GPHN: variants seen among roughly 807,000 people sequenced by gnomAD.
GPHN encodes gephyrin.
Under a neutral mutation model 95.5 loss-of-function variants are expected in GPHN, and 17 were observed. The observed-to-expected ratio is 0.18, with a 90% CI of 0.12 to 0.27. GPHN has a LOEUF of 0.27. Among genes scored for constraint, GPHN ranks in the 10% least tolerant of loss-of-function variants. The pLI is 1.00. For synonymous variants in GPHN, 320 were observed against 322.5 expected (o/e 0.99, Z 0.08); for missense variants, 660 against 978.1 (o/e 0.67, Z 4.34).
At chr14:66,926,907 A>C (rs1458013382) in intron 8 of GPHN, among the ~76,000 whole-genome samples, 1 of 152,154 alleles carries the variant, frequency 6.6e-6, no homozygotes, top group Admixed American at 6.5e-5. Flanking sequence ...GTGTGTGTCC[A>C]CTTCAATTTC....
intron 2 of GPHN, among the ~76,000 whole-genome samples, chr14:66,762,674 A>C (rs925194011): frequency 3.9e-5 from 6 of 152,136 alleles, no homozygotes; most frequent in African/African-American, 9.7e-5. Flanking sequence ...ATAGTGCTGA[A>C]ACAGTATATG....
At chr14:67,326,633 TC>T in the GPHN span, among the ~76,000 whole-genome samples, 1 of 152,222 alleles carries the variant, frequency 6.6e-6, no homozygotes, top group South Asian at 2.1e-4. Context: ...TTAATACCCC[TC>T]CATTCTTTCT....
chr14:67,249,034 C>G, the GPHN span, among the ~76,000 whole-genome samples: 1 of 151,864 alleles, frequency 6.6e-6, no homozygotes, highest in East Asian at 1.9e-4. Flanking sequence ...ATGATCTCAG[C>G]TCACTGCAAC....
intron 10 of GPHN, among the ~76,000 whole-genome samples, chr14:67,027,604 C>T (rs1055075388): frequency 2.0e-5 from 3 of 152,238 alleles, no homozygotes; most frequent in Admixed American, 1.3e-4. Flanking sequence ...GCTAAGATTA[C>T]AGGCATGAGC....
At chr14:67,232,658 T>C in the GPHN span, among the ~76,000 whole-genome samples, 1 of 152,222 alleles carries the variant, frequency 6.6e-6, no homozygotes, top group Non-Finnish European at 1.5e-5. Context: ...CCCTTTGAAA[T>C]CGCTCCATTT....
chr14:67,387,513 T>C, the GPHN span: 7 of 1,559,316 alleles, frequency 4.5e-6, no homozygotes, highest in Admixed American at 8.0e-5. Flanking sequence ...TCTGCTTTCA[T>C]CTTGAACCAG....
At chr14:67,172,696 C>A (rs1244562642) in intron 21 of GPHN, among the ~76,000 whole-genome samples, 1 of 152,150 alleles carries the variant, frequency 6.6e-6, no homozygotes, top group Non-Finnish European at 1.5e-5. Context: ...CCCCTAGTGT[C>A]TGAGCAGCTG....
chr14:67,656,091 C>T, the GPHN span, among the ~76,000 whole-genome samples: 4 of 151,910 alleles, frequency 2.6e-5, no homozygotes, highest in African/African-American at 4.8e-5. Context: ...ACTAAAAATA[C>T]AAACATTAGC....
At chr14:67,072,697 C>T (rs1192543089) in intron 11 of GPHN, among the ~76,000 whole-genome samples, 1 of 151,560 alleles carries the variant, frequency 6.6e-6, no homozygotes, top group Non-Finnish European at 1.5e-5. Flanking sequence ...CTCAATTTTC[C>T]AAAAATGGAA....
the GPHN span, chr14:67,575,434 G>T: frequency 2.5e-6 from 4 of 1,609,818 alleles, no homozygotes; most frequent in African/African-American, 5.3e-5. Context: ...CGCTCTTGTT[G>T]GGAAAATCTT....
At chr14:67,628,981 T>G in the GPHN span, among the ~76,000 whole-genome samples, 1 of 152,222 alleles carries the variant, frequency 6.6e-6, no homozygotes, top group African/African-American at 2.4e-5. Flanking sequence ...AAGTGTCCAT[T>G]GATGGATGAA....
At chr14:66,684,817 T>C (rs1431433342) in intron 2 of GPHN, among the ~76,000 whole-genome samples, 2 of 152,104 alleles carry the variant, frequency 1.3e-5, no homozygotes, top group Non-Finnish European at 2.9e-5. Context: ...TTGTTACATA[T>C]GTGTACATGT....
At chr14:66,934,323 T>C (rs1762793832) in intron 8 of GPHN, among the ~76,000 whole-genome samples, 1 of 152,222 alleles carries the variant, frequency 6.6e-6, no homozygotes, top group Admixed American at 6.5e-5. Context: ...ATCAGCTTGC[T>C]ATTTCAGGAG....
the GPHN span, chr14:67,225,058 C>A: frequency 1.4e-6 from 2 of 1,412,904 alleles, no homozygotes; most frequent in Non-Finnish European, 1.9e-6. Context: ...TTTTCTTTCT[C>A]ACTTCCTCTC....
the GPHN span, among the ~76,000 whole-genome samples, chr14:67,429,230 AT>A: frequency 0.017 from 2,221 of 134,570 alleles, 25 homozygotes; most frequent in African/African-American, 0.049. Flanking sequence ...CAAGTGGACA[AT>A]TTTTTTTTTT....
the GPHN span, chr14:67,343,496 C>A: frequency 8.8e-7 from 1 of 1,134,966 alleles, no homozygotes. Context: ...ATTCCCTGAT[C>A]ACTTGACTCC....
the GPHN span, among the ~76,000 whole-genome samples, chr14:67,478,524 G>T: frequency 2.6e-5 from 4 of 151,632 alleles, no homozygotes; most frequent in African/African-American, 9.7e-5. Context: ...TAGAAAAAAC[G>T]CAACCTTTCT....
At chr14:67,674,715 C>G in the GPHN span, 1 of 434,822 alleles carries the variant, frequency 2.3e-6, no homozygotes. Context: ...GACGAGAAGT[C>G]GGGAGACTGC....
chr14:66,913,238 T>C (rs778092320), intron 5 of GPHN, among the ~76,000 whole-genome samples: 1 of 152,224 alleles, frequency 6.6e-6, no homozygotes, highest in Non-Finnish European at 1.5e-5. Flanking sequence ...GGATGCTTGC[T>C]GGTGAGAGAC....
Sources: allele counts gnomAD v4.1 joint callset (sites outside exome capture counted in the v4.1 genomes callset), GRCh38; gene constraint gnomAD v4.1.1; transcripts MANE v1.5; gene names NCBI Gene and HGNC (gene_info 2026-07-23, HGNC 2026-07-21).